The following DCAF8L2 variants were observed in gnomAD, a reference collection of about 807,000 sequenced individuals.
The protein encoded by DCAF8L2 is DDB1 and CUL4 associated factor 8 like 2.
For synonymous variants in DCAF8L2, 200 were observed against 190.9 expected, an observed-to-expected ratio of 1.05 and a Z score of -0.39; for missense variants, 430 against 490.7, an observed-to-expected ratio of 0.88 and a Z score of 1.17.
chrX:27,472,066 T>G, the DCAF8L2 span, among the ~76,000 whole-genome samples: 12 of 112,159 alleles, frequency 1.1e-4, 1 homozygote, highest in South Asian at 4.5e-3. Flanking sequence ...GTAAATATTC[T>G]GAGCTTTGAT....
At chrX:27,583,138 T>A in the DCAF8L2 span, among the ~76,000 whole-genome samples, 1 of 111,808 alleles carries the variant, frequency 8.9e-6, no homozygotes, top group Non-Finnish European at 1.9e-5. Flanking sequence ...TTTATTTATA[T>A]CCAGATAGAC....
chrX:27,525,477 T>A, the DCAF8L2 span, among the ~76,000 whole-genome samples: 2 of 111,892 alleles, frequency 1.8e-5, no homozygotes, highest in Non-Finnish European at 3.8e-5. Context: ...GTCTTGACTC[T>A]ATCCAATTTG....
At chrX:27,718,811 G>C (rs1207322921) in intron 4 of DCAF8L2, among the ~76,000 whole-genome samples, 3 of 111,504 alleles carry the variant, frequency 2.7e-5, no homozygotes, top group Non-Finnish European at 5.6e-5. Context: ...TGGTTCTCCT[G>C]GTTCTTCGGA....
intron 1 of DCAF8L2, among the ~76,000 whole-genome samples, chrX:27,608,935 A>G (rs1927035393): frequency 9.0e-6 from 1 of 110,776 alleles, no homozygotes; most frequent in Non-Finnish European, 1.9e-5. Flanking sequence ...CGCACACACA[A>G]CTAGATAGAG....
Position 27,748,936 on chromosome X carries a change from C to A in DCAF8L2, c.*145C>A. ...AATATATGCTGAAAACCGTCTCTTCCATTCCTTCCTCTCTACTTTCCTTTC... is the reference window on the plus strand; with the variant it reads ...AATATATGCTGAAAACCGTCTCTTCAATTCCTTCCTCTCTACTTTCCTTTC... On this transcript the variant is annotated 3_prime_UTR_variant, in exon 5 of 5. Transcript: ENST00000451261. 1.4e-6 allele frequency: 1 copy of A among 694,100 alleles called. No homozygotes were observed. The highest frequency in any genetic ancestry group is 2.0e-6 in the Non-Finnish European group (1 of 493,185). 57.2% of individuals were successfully genotyped at this position (694,100 alleles called of 1,213,427 possible).
intron 3 of DCAF8L2, among the ~76,000 whole-genome samples, chrX:27,680,062 A>C (rs1036187395): frequency 8.1e-5 from 9 of 111,793 alleles, no homozygotes; most frequent in Non-Finnish European, 1.1e-4. Context: ...TAAAAAAACT[A>C]TCTCTCTATC....
the DCAF8L2 span, among the ~76,000 whole-genome samples, chrX:27,531,265 G>A: frequency 1.8e-5 from 2 of 111,287 alleles, no homozygotes; most frequent in Non-Finnish European, 3.8e-5. Context: ...GCAGGCAAGC[G>A]GGCATGTGCA....
At chrX:27,633,977 T>G (rs1200286194) in intron 2 of DCAF8L2, among the ~76,000 whole-genome samples, 1 of 111,752 alleles carries the variant, frequency 8.9e-6, no homozygotes, top group Admixed American at 9.5e-5. Context: ...AGAGCTAGTA[T>G]TTCCATGAAA....
the DCAF8L2 span, among the ~76,000 whole-genome samples, chrX:27,547,602 TGA>T: frequency 0.095 from 10,524 of 110,681 alleles, 402 homozygotes; most frequent in Non-Finnish European, 0.12. Context: ...AGAGAACATG[TGA>T]GAGTGCAGGA....
the DCAF8L2 span, among the ~76,000 whole-genome samples, chrX:27,546,389 A>T: frequency 4.5e-5 from 5 of 111,731 alleles, no homozygotes; most frequent in Non-Finnish European, 9.4e-5. Context: ...TTCCAGGCAC[A>T]TGGTGCAAGC....
the DCAF8L2 span, among the ~76,000 whole-genome samples, chrX:27,560,365 A>T: frequency 9.0e-6 from 1 of 110,907 alleles, no homozygotes; most frequent in Non-Finnish European, 1.9e-5. Context: ...ATTATGTGTG[A>T]GTCTATAATT....
the DCAF8L2 span, among the ~76,000 whole-genome samples, chrX:27,480,865 G>C: frequency 0.14 from 15,874 of 111,256 alleles, 932 homozygotes; most frequent in East Asian, 0.36. Context: ...GGCTTTTCTC[G>C]AAGATGTTAG....
chrX:27,616,565 T>G lies in DCAF8L2; in HGVS notation c.-341-15314T>G, dbSNP rs186631917. 3.8e-3 allele frequency among the ~76,000 whole-genome samples: 421 copies of G among 111,679 alleles called. 1 individual carries two copies. Among genetic ancestry groups the G allele is most frequent in the Middle Eastern group, 0.014 (3 of 216 alleles). Reference sequence around the variant, plus strand: ...GAATTTATTTATATATACAAAAGAATGTGGACTTGGGTTCAGTCGTAACTA... The same window carrying G: ...GAATTTATTTATATATACAAAAGAAGGTGGACTTGGGTTCAGTCGTAACTA... On this transcript the variant is annotated intron_variant, in intron 1 of 4. Coordinates refer to ENST00000451261, the MANE Select transcript of DCAF8L2 (RefSeq NM_001353450.2).
intron 2 of DCAF8L2, among the ~76,000 whole-genome samples, chrX:27,634,651 G>A (rs770349479): frequency 9.0e-6 from 1 of 110,653 alleles, no homozygotes; most frequent in African/African-American, 3.3e-5. Flanking sequence ...TTCAAAATCC[G>A]AAACCTTTTG....
chrX:27,666,777 T>G (rs1217937978), intron 2 of DCAF8L2, among the ~76,000 whole-genome samples: 1 of 112,109 alleles, frequency 8.9e-6, no homozygotes, highest in Admixed American at 9.5e-5. Flanking sequence ...CTATGGCATA[T>G]TTACACATTA....
chrX:27,505,964 G>A, the DCAF8L2 span, among the ~76,000 whole-genome samples: 4 of 111,885 alleles, frequency 3.6e-5, no homozygotes, highest in African/African-American at 1.3e-4. Context: ...AAACCACTGT[G>A]CTCTGGTCAT....
At chrX:27,536,980 G>A in the DCAF8L2 span, among the ~76,000 whole-genome samples, 5 of 111,804 alleles carry the variant, frequency 4.5e-5, no homozygotes, top group East Asian at 2.8e-4. Context: ...ATTATTTCTC[G>A]TACCCTCTCC....
Position 27,638,030 on chromosome X carries a change from A to G in DCAF8L2, c.-220+6030A>G, listed in dbSNP as rs572162546. 6.3e-5 allele frequency among the ~76,000 whole-genome samples: 7 copies of G among 111,935 alleles called. No individual in the cohort carries two copies. The South Asian group carries it at 1.1e-3, about 18-fold the overall frequency. ...AGGAGGAGGGAGCTATCAGACCACA[A>G]TACAATTTCAACACCATGAAGGAGA... On this transcript the variant is annotated intron_variant, in intron 2 of 4. Coordinates refer to ENST00000451261, the MANE Select transcript of DCAF8L2 (RefSeq NM_001353450.2).
At chrX:27,740,453 C>T (rs1303954737) in intron 4 of DCAF8L2, among the ~76,000 whole-genome samples, 1 of 111,475 alleles carries the variant, frequency 9.0e-6, no homozygotes, top group Non-Finnish European at 1.9e-5. Context: ...CAATGCATTC[C>T]CCTACTGGCA....
Sources: allele counts gnomAD v4.1 joint callset (sites outside exome capture counted in the v4.1 genomes callset), GRCh38; gene constraint gnomAD v4.1.1; transcripts MANE v1.5; gene names NCBI Gene and HGNC (gene_info 2026-07-23, HGNC 2026-07-21).